Variants in RGS12 observed in about 807,000 individuals in gnomAD.
RGS12 encodes regulator of G protein signaling 12.
Under a neutral mutation model 120.1 loss-of-function variants are expected in RGS12, and 66 were observed. That is an observed-to-expected ratio of 0.55 (90% CI 0.45 to 0.67). The LOEUF (loss-of-function observed/expected upper bound fraction) is 0.67. Ranked by LOEUF, RGS12 falls within the 30% of genes least tolerant of loss-of-function variation. The pLI is 0.00. For missense variants in RGS12, 1,859 were observed against 1,957.7 expected (o/e 0.95, Z 0.95); for synonymous variants, 827 against 804.7 (o/e 1.03, Z -0.47).
At chr4:3,373,826 T>C (rs898622262) in intron 3 of RGS12, among the ~76,000 whole-genome samples, 4 of 152,236 alleles carry the variant, frequency 2.6e-5, no homozygotes, top group Non-Finnish European at 5.9e-5. Flanking sequence ...CTTCTCTCGT[T>C]TTCTGACACT....
Position 3,365,307 on chromosome 4 carries a change from C to T in RGS12, c.1999-21109C>T, listed in dbSNP as rs1177570441. On this transcript the variant is annotated intron_variant, in intron 3 of 17. Transcript: ENST00000336727. The surrounding 1 kb of genome is among the most constrained non-coding windows in gnomAD (Gnocchi z 4.0). ...AGTGGGGTCGAGTGCGTGGTGTCGC[C>T]TGCACAGCGGGCAGTGCCTACTCTT... Among the ~76,000 whole-genome samples the T allele has an allele frequency of 2.0e-5, 3 of 152,138 alleles. No individual in the cohort carries two copies. The highest frequency in any genetic ancestry group is 4.4e-5 in the Non-Finnish European group (3 of 68,034).
chr4:3,309,059 C>A (rs1487176673), intron 1 of RGS12, among the ~76,000 whole-genome samples: 1 of 146,498 alleles, frequency 6.8e-6, no homozygotes, highest in African/African-American at 2.6e-5. Context: ...GAGAGCTGAG[C>A]AGGAGAGGAG....
In RGS12 at chr4:3,414,715, T is replaced by A. The variant is rs181228777; in HGVS notation, c.2191-37T>A. The A allele has an allele frequency of 9.8e-6, 14 of 1,422,098 alleles. No individual in the cohort carries two copies. The South Asian group carries it at 1.5e-4, about 15-fold the overall frequency. 88.1% of individuals were successfully genotyped at this position (1,422,098 alleles called of 1,614,324 possible). On this transcript the variant is annotated intron_variant, in intron 5 of 17. Coordinates refer to ENST00000336727, the MANE Select transcript of RGS12 (RefSeq NM_001394154.1). ...GGAAGTAGGAAAAAGGAGGACCCTG[T>A]GTCAGTGTTAATAAATGGTGTCTTT...
At chr4:3,330,288 G>T (rs1711689941) in intron 2 of RGS12, among the ~76,000 whole-genome samples, 1 of 152,184 alleles carries the variant, frequency 6.6e-6, no homozygotes, top group South Asian at 2.1e-4. Flanking sequence ...CCCGCTGAAG[G>T]CATTCCACAG....
intron 1 of RGS12, among the ~76,000 whole-genome samples, chr4:3,303,124 G>T (rs1723777590): frequency 6.6e-6 from 1 of 152,206 alleles, no homozygotes; most frequent in Admixed American, 6.5e-5. Context: ...TGAGGTTTGG[G>T]GAGGGACCCA....
chr4:3,414,918 G>C (rs1480615423), intron 6 of RGS12, 74 bp downstream of exon 6: 20 of 1,094,734 alleles, frequency 1.8e-5, no homozygotes, highest in Non-Finnish European at 1.1e-5. Context: ...GGGTGTGTGA[G>C]AGGGCCACGT....
rs116391999 is a variant in RGS12 at position 3,300,490 on chromosome 4, G to A, written c.-102+7391G>A. ...GGGAGGAGGAGGACTGCCTGGGCCC[G>A]CCCCTCCTAGGAGTTCCTGTGCCTG... On this transcript the variant is annotated intron_variant, in intron 1 of 17. Transcript: ENST00000336727. 3.3e-3 allele frequency among the ~76,000 whole-genome samples: 448 copies of A among 136,338 alleles called. 4 individuals carry two copies. Among genetic ancestry groups the A allele is most frequent in the Middle Eastern group, 0.012 (3 of 248 alleles). The allele number at this position is 136,338 out of a possible 152,430, so 89.4% of individuals were successfully genotyped here.
chr4:3,306,900 C>G (rs1332612278), intron 1 of RGS12, among the ~76,000 whole-genome samples: 1 of 152,130 alleles, frequency 6.6e-6, no homozygotes, highest in Non-Finnish European at 1.5e-5. Context: ...GGTTTGGGGT[C>G]AGGGAGTGAC....
At chr4:3,420,160 C>T (rs1722847365) in intron 9 of RGS12, among the ~76,000 whole-genome samples, 1 of 152,164 alleles carries the variant, frequency 6.6e-6, no homozygotes, top group Non-Finnish European at 1.5e-5. Flanking sequence ...AGGACGTGGA[C>T]CGAGTGGGTC....
intron 16 of RGS12, among the ~76,000 whole-genome samples, chr4:3,430,102 G>A (rs149736351): frequency 6.6e-5 from 10 of 152,302 alleles, no homozygotes; most frequent in African/African-American, 2.2e-4. Context: ...CTACTCAGAC[G>A]GCATCAGCGC....
At chr4:3,299,831 A>G (rs962042564) in intron 1 of RGS12, among the ~76,000 whole-genome samples, 2 of 152,114 alleles carry the variant, frequency 1.3e-5, no homozygotes, top group Admixed American at 6.5e-5. Flanking sequence ...CACCATAAGG[A>G]TAGGGCCTAT....
At chr4:3,287,266 G>A in the RGS12 span, among the ~76,000 whole-genome samples, 3 of 152,064 alleles carry the variant, frequency 2.0e-5, no homozygotes, top group Non-Finnish European at 2.9e-5. Context: ...GTTTTGAGGC[G>A]ATGCTTTCTG....
intron 1 of RGS12, among the ~76,000 whole-genome samples, chr4:3,307,089 T>C (rs1181127426): frequency 6.6e-6 from 1 of 152,160 alleles, no homozygotes; most frequent in Non-Finnish European, 1.5e-5. Flanking sequence ...GGGTTTGGAG[T>C]GAGCCCATCG....
intron 17 of RGS12, among the ~76,000 whole-genome samples, chr4:3,436,453 A>C (rs1232652634): frequency 6.6e-6 from 1 of 151,964 alleles, no homozygotes; most frequent in Non-Finnish European, 1.5e-5. Context: ...TGGAGCATGG[A>C]GGCAGAGGCT....
At chr4:3,328,807 A>G (rs1711524283) in intron 2 of RGS12, among the ~76,000 whole-genome samples, 1 of 152,182 alleles carries the variant, frequency 6.6e-6, no homozygotes, top group South Asian at 2.1e-4. Context: ...TAAACTTAGA[A>G]AACTTTTGAC....
At chr4:3,379,381 C>T (rs185369021) in intron 3 of RGS12, among the ~76,000 whole-genome samples, 1 of 152,164 alleles carries the variant, frequency 6.6e-6, no homozygotes, top group Non-Finnish European at 1.5e-5. Flanking sequence ...AGATTCTCAC[C>T]ACACACAAAA....
intron 3 of RGS12, among the ~76,000 whole-genome samples, chr4:3,363,616 G>A (rs1414884366): frequency 6.6e-6 from 1 of 152,158 alleles, no homozygotes; most frequent in Non-Finnish European, 1.5e-5. Flanking sequence ...GGAGATGGAC[G>A]CAGCGTCCCG....
At position 3,318,200 on chromosome 4, in the gene RGS12, GC is replaced by G. The variant is rs1481961376; in HGVS notation, c.1881+151del. 1.0e-5 allele frequency: 7 copies of G among 685,550 alleles called. No individual in the cohort carries two copies. The African/African-American group carries it at 1.3e-4, about 12-fold the overall frequency. The allele number at this position is 685,550 out of a possible 1,614,324, so 42.5% of individuals were successfully genotyped here. ...GTGGCCATCACAGGGTGTCTGCGTTGCCTGTGGGCTGCGGACTGTGTCTTGC... is the reference window on the plus strand; with the variant it reads ...GTGGCCATCACAGGGTGTCTGCGTTGCTGTGGGCTGCGGACTGTGTCTTGC... On this transcript the variant is annotated intron_variant, in intron 2 of 17. Coordinates refer to ENST00000336727, the MANE Select transcript of RGS12 (RefSeq NM_001394154.1).
At chr4:3,363,548 G>A (rs537258801) in intron 3 of RGS12, among the ~76,000 whole-genome samples, 1 of 152,048 alleles carries the variant, frequency 6.6e-6, no homozygotes, top group African/African-American at 2.4e-5. Context: ...ACGGACAGGG[G>A]TGTGCGGGTT....
Sources: gnomAD v4.1 joint callset for allele counts (sites outside exome capture counted in the v4.1 genomes callset) on GRCh38, gnomAD v4.1.1 for gene constraint, Gnocchi (gnomAD v3.1) non-coding constraint, MANE v1.5 for transcripts, NCBI Gene and HGNC (gene_info 2026-07-23, HGNC 2026-07-21) for gene names.